Variants in SV2B observed in about 807,000 individuals in gnomAD.
SV2B encodes solute carrier family 22 member B2.
Under a neutral mutation model 73.9 loss-of-function variants are expected in SV2B, and 41 were observed. The ratio of observed to expected loss-of-function variants is 0.56; its 90% CI spans 0.43 to 0.72. The LOEUF is 0.72. Among genes scored for constraint, SV2B ranks in the 30% least tolerant of loss-of-function variants. The pLI is 0.00. For missense variants in SV2B, 764 were observed against 857.8 expected, an observed-to-expected ratio of 0.89 and a Z score of 1.37; for synonymous variants, 314 against 314.2, an observed-to-expected ratio of 1.00 and a Z score of 0.01.
rs544001386 is a variant in SV2B at position 91,207,529 on chromosome 15, CG to C, written c.-391-18339del. Among the ~76,000 whole-genome samples, 217 of 152,212 alleles carry C rather than the reference CG, an allele frequency of 1.4e-3. 1 individual carries two copies. Among genetic ancestry groups the C allele is most frequent in the African/African-American group, 5.0e-3 (209 of 41,524 alleles). ...GCCGGCATACCAAGGGTCAATTTAT[CG>C]GGGGCAATATCCACCAAGTCTGTTT... is the stretch of plus-strand genomic sequence containing the variant. On this transcript the variant is annotated intron_variant, in intron 1 of 12. Coordinates refer to ENST00000394232, the MANE Select transcript of SV2B (RefSeq NM_001323032.3).
At position 91,283,923 on chromosome 15, in the gene SV2B, C is replaced by A; in HGVS notation, c.1508-98C>A. The stretch of plus-strand genomic sequence containing the variant: ...GTCTGACTGGCAAAGGCTGGCACAG[C>A]CTGCCTACAGGAGGGGGCAGACTTC... On this transcript the variant is annotated intron_variant, in intron 10 of 12. Transcript: ENST00000394232. This position sits in a 1 kb window ranked among gnomAD's most constrained non-coding sequence, Gnocchi z 4.3. 2 of 1,241,456 alleles carry A rather than the reference C, an allele frequency of 1.6e-6. No individual in the cohort carries two copies. Among genetic ancestry groups the A allele is most frequent in the Non-Finnish European group, 2.3e-6 (2 of 873,514 alleles). The allele number at this position is 1,241,456 out of a possible 1,614,324, so 76.9% of individuals were successfully genotyped here. A position where few individuals can be genotyped will look rare whatever the true frequency, so the allele number is the denominator to read the frequency against.
chr15:91,164,364 G>A lies in SV2B; in HGVS notation c.-391-61509G>A, dbSNP rs137890843. On this transcript the variant is annotated intron_variant, in intron 1 of 12. Transcript: ENST00000394232. ...ACTTCAAACTATACTACAAGGCTACGGGACTGCTTTCAGCTCCTTGAGGCC... is the reference window on the plus strand; with the variant it reads ...ACTTCAAACTATACTACAAGGCTACAGGACTGCTTTCAGCTCCTTGAGGCC... Among the ~76,000 whole-genome samples, 246 of 152,236 alleles carry A rather than the reference G, an allele frequency of 1.6e-3. 1 individual carries two copies. The highest frequency in any genetic ancestry group is 6.8e-3 in the Middle Eastern group (2 of 294).
chr15:91,152,324 G>A (rs972865122), intron 1 of SV2B, among the ~76,000 whole-genome samples: 1 of 152,184 alleles, frequency 6.6e-6, no homozygotes, highest in African/African-American at 2.4e-5. Flanking sequence ...AATGGTGTTT[G>A]GAGGAGCTGG....
chr15:91,253,265 T>G lies in SV2B; in HGVS notation c.784+745T>G, dbSNP rs765130382. ...CATCATCATTCAAAATCATTTTTGG[T>G]AAATCACTGATTATGAGTATAGGTT... On this transcript the variant is annotated intron_variant, in intron 4 of 12. Transcript: ENST00000394232. This position sits in a 1 kb window ranked among gnomAD's most constrained non-coding sequence, Gnocchi z 5.0. Among the ~76,000 whole-genome samples the G allele has an allele frequency of 6.6e-6, 1 of 152,214 alleles. No individual in the cohort carries two copies. Among genetic ancestry groups the G allele is most frequent in the Non-Finnish European group, 1.5e-5 (1 of 68,030 alleles).
chr15:91,181,131 G>A (rs2044538897), intron 1 of SV2B, among the ~76,000 whole-genome samples: 2 of 152,196 alleles, frequency 1.3e-5, no homozygotes, highest in South Asian at 4.1e-4. Context: ...CTCAGCTGCA[G>A]GTCTGTTGGA....
intron 9 of SV2B, among the ~76,000 whole-genome samples, chr15:91,275,448 G>C (rs1215397611): frequency 6.6e-6 from 1 of 152,036 alleles, no homozygotes; most frequent in African/African-American, 2.4e-5. Flanking sequence ...ATACATACTT[G>C]TTTTACATAT....
At chr15:91,173,987 A>C (rs1480857857) in intron 1 of SV2B, among the ~76,000 whole-genome samples, 1 of 152,214 alleles carries the variant, frequency 6.6e-6, no homozygotes, top group Non-Finnish European at 1.5e-5. Context: ...ACAGTACTCA[A>C]ATCAAGCCAG....
chr15:91,150,968 A>G (rs1179055471), intron 1 of SV2B, among the ~76,000 whole-genome samples: 1 of 152,174 alleles, frequency 6.6e-6, no homozygotes, highest in African/African-American at 2.4e-5. Context: ...TATGATTATG[A>G]TGAAAGAAAC....
rs970406179 is a variant in SV2B, at chr15:91,186,565, A to G, written c.-391-39308A>G. Among the ~76,000 whole-genome samples the G allele has an allele frequency of 5.9e-5, 9 of 152,348 alleles. No individual in the cohort carries two copies. The South Asian group carries it at 1.2e-3, about 21-fold the overall frequency. ...AGTTATCAACAAGTTGTAGGGTTAC[A>G]TGAACAAGAATTATTAAGCAAGTTT... On this transcript the variant is annotated intron_variant, in intron 1 of 12. Coordinates refer to ENST00000394232, the MANE Select transcript of SV2B (RefSeq NM_001323032.3).
At chr15:91,257,498 A>G (rs1567401617) in intron 4 of SV2B, among the ~76,000 whole-genome samples, 1 of 152,250 alleles carries the variant, frequency 6.6e-6, no homozygotes, top group Non-Finnish European at 1.5e-5. Flanking sequence ...TTGAATAATG[A>G]TGATTGAATA....
chr15:91,275,504 G>C (rs998672576), intron 9 of SV2B, among the ~76,000 whole-genome samples: 8 of 152,074 alleles, frequency 5.3e-5, no homozygotes, highest in Non-Finnish European at 1.2e-4. Flanking sequence ...TTTACCCAGT[G>C]AACTATCTTT....
chr15:91,171,708 G>T (rs2044128861), intron 1 of SV2B, among the ~76,000 whole-genome samples: 1 of 152,168 alleles, frequency 6.6e-6, no homozygotes, highest in East Asian at 1.9e-4. Context: ...GGCAACAATC[G>T]CTTGCTCTCA....
chr15:91,252,062 C>A lies in SV2B; in HGVS notation c.632+63C>A. 6.4e-7 allele frequency: 1 copy of A among 1,572,088 alleles called. No homozygotes were observed. Among genetic ancestry groups the A allele is most frequent in the Non-Finnish European group, 8.6e-7 (1 of 1,156,712 alleles). On this transcript the variant is annotated intron_variant, in intron 3 of 12. Transcript: ENST00000394232. The surrounding 1 kb of genome is among the most constrained non-coding windows in gnomAD (Gnocchi z 4.6). ...CCAATGGCCCATCCATTCTGGTATTCTAGCTCCAAGAGGTAACTCTAGAAA... is the reference window on the plus strand; with the variant it reads ...CCAATGGCCCATCCATTCTGGTATTATAGCTCCAAGAGGTAACTCTAGAAA...
At chr15:91,172,154 C>G (rs2044143865) in intron 1 of SV2B, among the ~76,000 whole-genome samples, 1 of 152,228 alleles carries the variant, frequency 6.6e-6, no homozygotes, top group Non-Finnish European at 1.5e-5. Flanking sequence ...AACTCCCTCA[C>G]TGGGCATTCA....
At chr15:91,202,690 G>A (rs1408484210) in intron 1 of SV2B, among the ~76,000 whole-genome samples, 2 of 152,176 alleles carry the variant, frequency 1.3e-5, no homozygotes, top group African/African-American at 2.4e-5. Context: ...GTGTGTGGGG[G>A]TGGGGTGGTG....
intron 1 of SV2B, among the ~76,000 whole-genome samples, chr15:91,206,178 C>T (rs574976828): frequency 6.7e-6 from 1 of 149,326 alleles, no homozygotes; most frequent in East Asian, 2.0e-4. Flanking sequence ...GCTGGGACTA[C>T]AGGCACATGC....
At chr15:91,170,557 G>A (rs1453420303) in intron 1 of SV2B, among the ~76,000 whole-genome samples, 1 of 152,190 alleles carries the variant, frequency 6.6e-6, no homozygotes, top group African/African-American at 2.4e-5. Context: ...AAAGTACTGG[G>A]ATTACAGGCA....
chr15:91,196,802 T>C (rs1337107604), intron 1 of SV2B, among the ~76,000 whole-genome samples: 2 of 152,236 alleles, frequency 1.3e-5, no homozygotes, highest in Non-Finnish European at 1.5e-5. Flanking sequence ...AAATGAGTGA[T>C]AGCCCTTTGG....
rs2042886188 is a variant in SV2B, at chr15:91,137,728, G to GGT, written c.-392+37365_-392+37366insGT. ...CACAGGTTATTAATTGTAGCCAACAGCATTAATTCATCGGAACACATCAAA... is the reference window on the plus strand; with the variant it reads ...CACAGGTTATTAATTGTAGCCAACAGGTCATTAATTCATCGGAACACATCAAA... On this transcript the variant is annotated intron_variant, in intron 1 of 12. Coordinates refer to ENST00000394232, the MANE Select transcript of SV2B (RefSeq NM_001323032.3). The surrounding 1 kb of genome is among the most constrained non-coding windows in gnomAD (Gnocchi z 4.9). Among the ~76,000 whole-genome samples the GGT allele has an allele frequency of 6.6e-6, 1 of 150,802 alleles. No individual in the cohort carries two copies. Among genetic ancestry groups the GGT allele is most frequent in the African/African-American group, 2.4e-5 (1 of 41,054 alleles).
Sources: gnomAD v4.1 joint callset for allele counts (sites outside exome capture counted in the v4.1 genomes callset) on GRCh38, gnomAD v4.1.1 for gene constraint, Gnocchi (gnomAD v3.1) non-coding constraint, MANE v1.5 for transcripts, NCBI Gene and HGNC (gene_info 2026-07-23, HGNC 2026-07-21) for gene names.